The following SPMIP3 variants were observed in gnomAD, a reference collection of about 807,000 sequenced individuals.
The protein encoded by SPMIP3 is protein SPMIP3.
chr1:244,367,733 G>A, the SPMIP3 span, among the ~76,000 whole-genome samples: 1 of 152,196 alleles, frequency 6.6e-6, no homozygotes, highest in African/African-American at 2.4e-5. Context: ...ACACCACAGA[G>A]CACTAGGCAG....
At chr1:244,380,123 C>T in the SPMIP3 span, among the ~76,000 whole-genome samples, 7,048 of 115,648 alleles carry the variant, frequency 0.061, 526 homozygotes, top group East Asian at 0.12. Context: ...CAGAGTTTTT[C>T]TTTTTTTTTT....
chr1:244,386,670 G>T, the SPMIP3 span, among the ~76,000 whole-genome samples: 1 of 152,188 alleles, frequency 6.6e-6, no homozygotes, highest in Non-Finnish European at 1.5e-5. Flanking sequence ...TCATGTGGTT[G>T]CTGACTACAG....
At chr1:244,378,598 C>A in the SPMIP3 span, 1 of 1,614,100 alleles carries the variant, frequency 6.2e-7, no homozygotes. Flanking sequence ...TATAAAGAAA[C>A]CACTTACCGA....
At chr1:244,363,917 T>C in the SPMIP3 span, among the ~76,000 whole-genome samples, 2 of 152,176 alleles carry the variant, frequency 1.3e-5, no homozygotes, top group Non-Finnish European at 2.9e-5. Context: ...CGCTCACTCC[T>C]AGCCGGGATT....
the SPMIP3 span, chr1:244,389,191 T>C: frequency 1.4e-6 from 1 of 715,158 alleles, no homozygotes; most frequent in Non-Finnish European, 2.4e-6. Context: ...CTAAAATATT[T>C]ACATGTTGCA....
the SPMIP3 span, among the ~76,000 whole-genome samples, chr1:244,372,193 C>G: frequency 6.6e-6 from 1 of 152,216 alleles, no homozygotes. Context: ...ATACTCCTCC[C>G]TCTTCTGTGT....
chr1:244,356,994 C>T, the SPMIP3 span, among the ~76,000 whole-genome samples: 1 of 144,470 alleles, frequency 6.9e-6, no homozygotes, highest in African/African-American at 2.6e-5. Flanking sequence ...ATCATTTCAG[C>T]TCACTGCAAC....
the SPMIP3 span, among the ~76,000 whole-genome samples, chr1:244,382,721 A>G: frequency 3.4e-5 from 5 of 148,376 alleles, no homozygotes; most frequent in African/African-American, 1.2e-4. Context: ...CTCCTGCCTC[A>G]GCCTCCCAAA....
At chr1:244,359,032 A>G in the SPMIP3 span, among the ~76,000 whole-genome samples, 3 of 152,082 alleles carry the variant, frequency 2.0e-5, no homozygotes, top group African/African-American at 7.2e-5. Flanking sequence ...TACCACGTTC[A>G]GATTTGGTAT....
the SPMIP3 span, among the ~76,000 whole-genome samples, chr1:244,383,517 T>C: frequency 6.6e-6 from 1 of 152,094 alleles, no homozygotes; most frequent in African/African-American, 2.4e-5. Context: ...TCTAAAAAAA[T>C]AAATAACCAT....
chr1:244,384,250 C>A, the SPMIP3 span, among the ~76,000 whole-genome samples: 1 of 152,138 alleles, frequency 6.6e-6, no homozygotes. Context: ...ATTGCCCAGG[C>A]TGGAATGCAG....
the SPMIP3 span, among the ~76,000 whole-genome samples, chr1:244,356,204 A>G: frequency 6.6e-6 from 1 of 152,182 alleles, no homozygotes; most frequent in Admixed American, 6.5e-5. Context: ...TTGCTTTGCC[A>G]CCAATTTTAG....
chr1:244,382,214 G>A, the SPMIP3 span, among the ~76,000 whole-genome samples: 1 of 94,170 alleles, frequency 1.1e-5, no homozygotes, highest in African/African-American at 4.8e-5. Context: ...ATAGCCAAGT[G>A]CATTTTTTTT....
At chr1:244,362,606 A>G in the SPMIP3 span, among the ~76,000 whole-genome samples, 3 of 152,146 alleles carry the variant, frequency 2.0e-5, no homozygotes, top group African/African-American at 7.2e-5. Flanking sequence ...CCCTCCAGAG[A>G]GCTATTGTAA....
At chr1:244,384,268 A>G in the SPMIP3 span, among the ~76,000 whole-genome samples, 1 of 152,022 alleles carries the variant, frequency 6.6e-6, no homozygotes, top group Non-Finnish European at 1.5e-5. Context: ...CAGTGGTGCA[A>G]TCTCAGCTCA....
the SPMIP3 span, among the ~76,000 whole-genome samples, chr1:244,380,660 A>G: frequency 6.6e-6 from 1 of 152,316 alleles, no homozygotes; most frequent in Non-Finnish European, 1.5e-5. Context: ...GAAGCTACAG[A>G]GCCTCTGTCA....
the SPMIP3 span, among the ~76,000 whole-genome samples, chr1:244,374,649 T>G: frequency 2.0e-4 from 26 of 132,680 alleles, no homozygotes; most frequent in Non-Finnish European, 3.8e-4. Flanking sequence ...CAGGCTGGAG[T>G]GCAGTGGCAC....
the SPMIP3 span, among the ~76,000 whole-genome samples, chr1:244,384,954 T>G: frequency 6.6e-6 from 1 of 152,130 alleles, no homozygotes; most frequent in Non-Finnish European, 1.5e-5. Context: ...CAGGCTGGAG[T>G]GCAGTGGCGT....
At chr1:244,380,856 T>G in the SPMIP3 span, among the ~76,000 whole-genome samples, 2 of 149,300 alleles carry the variant, frequency 1.3e-5, no homozygotes, top group East Asian at 2.0e-4. Context: ...CTTGGGGGAG[T>G]TGAGCCAGGG....
Sources: gnomAD v4.1 joint callset for allele counts (sites outside exome capture counted in the v4.1 genomes callset) on GRCh38, gnomAD v4.1.1 for gene constraint, MANE v1.5 for transcripts, NCBI Gene and HGNC (gene_info 2026-07-23, HGNC 2026-07-21) for gene names.